The following LUZP1 variants were observed in gnomAD, a reference collection of about 807,000 sequenced individuals.
LUZP1 encodes filamin mechanobinding actin cross-linking protein.
A neutral mutation model predicts 71.3 loss-of-function variants in LUZP1; 25 were observed. The observed-to-expected ratio is 0.35, with a 90% CI of 0.26 to 0.49. LUZP1 has a LOEUF of 0.49. LUZP1 is among the 20% of genes least tolerant of loss of function. The probability of loss-of-function intolerance (pLI) is 0.99; values close to 1 mark genes in which losing one functional copy is unlikely to be tolerated. For synonymous variants in LUZP1, 481 were observed against 506.4 expected (o/e 0.95, Z 0.67); for missense variants, 1,142 against 1,300.8 (o/e 0.88, Z 1.88).
At chr1:23,127,805 G>C (rs1644183868) in intron 2 of LUZP1, among the ~76,000 whole-genome samples, 1 of 152,098 alleles carries the variant, frequency 6.6e-6, no homozygotes, top group South Asian at 2.1e-4. Flanking sequence ...TTACAGGCGT[G>C]AGCCACCGCA....
At chr1:23,090,646 T>G (rs1262338418) in intron 4 of LUZP1, 3 of 564,708 alleles carry the variant, frequency 5.3e-6, no homozygotes, top group Non-Finnish European at 9.4e-6. Context: ...AAGTGTCACT[T>G]GGAATTGGGT....
rs574557552 is a variant in LUZP1 at position 23,089,720 on chromosome 1, G to T, written c.3073-667C>A. On this transcript the variant is annotated intron_variant, in intron 4 of 4. Transcript: ENST00000302291. ...CGATTCTCCTGCCTCAGCCTCCCAA[G>T]TAGCTGGGATTACAAGCACGCACCA... Among the ~76,000 whole-genome samples the T allele has an allele frequency of 4.0e-5, 6 of 151,442 alleles. No homozygotes were observed. In the East Asian group the frequency reaches 1.2e-3, roughly 29 times the overall value.
At chr1:23,127,074 C>T (rs781011883) in intron 2 of LUZP1, among the ~76,000 whole-genome samples, 3 of 152,212 alleles carry the variant, frequency 2.0e-5, no homozygotes, top group Non-Finnish European at 4.4e-5. Flanking sequence ...GTCAGCCAAA[C>T]GCTTCCTGTC....
chr1:23,156,376 TCAAAAAATAAAAA>T (rs1187844720), intron 2 of LUZP1, among the ~76,000 whole-genome samples: 1 of 152,116 alleles, frequency 6.6e-6, no homozygotes, highest in African/African-American at 2.4e-5. Context: ...CGAGACTGTC[TCAAAAAATAAAAA>T]CAAAAAATAA....
intron 2 of LUZP1, among the ~76,000 whole-genome samples, chr1:23,119,154 T>C (rs959998420): frequency 6.6e-6 from 1 of 151,810 alleles, no homozygotes; most frequent in Middle Eastern, 3.2e-3. Context: ...TACTACACCA[T>C]AATTATAGAC....
intron 2 of LUZP1, among the ~76,000 whole-genome samples, chr1:23,123,264 CG>C (rs1644144427): frequency 6.6e-6 from 1 of 151,992 alleles, no homozygotes; most frequent in Admixed American, 6.6e-5. Flanking sequence ...GAGGCCGAGG[CG>C]GGGGGATCCC....
intron 2 of LUZP1, among the ~76,000 whole-genome samples, chr1:23,141,583 T>C (rs1449715282): frequency 6.6e-6 from 1 of 152,202 alleles, no homozygotes; most frequent in South Asian, 2.1e-4. Flanking sequence ...GGCACAGCGG[T>C]GCAGCCACCC....
chr1:23,138,663 T>TTTTG (rs1553140069), intron 2 of LUZP1, among the ~76,000 whole-genome samples: 3 of 125,610 alleles, frequency 2.4e-5, no homozygotes, highest in East Asian at 2.4e-4. Context: ...GATTATGTGT[T>TTTTG]TGTGTGTGTG....
chr1:23,153,911 C>A (rs1644402049), intron 2 of LUZP1, among the ~76,000 whole-genome samples: 1 of 151,366 alleles, frequency 6.6e-6, no homozygotes, highest in African/African-American at 2.4e-5. Flanking sequence ...GAGACTCTAT[C>A]ACACACACAC....
At chr1:23,143,817 C>A (rs1476338646) in intron 2 of LUZP1, among the ~76,000 whole-genome samples, 1 of 152,208 alleles carries the variant, frequency 6.6e-6, no homozygotes, top group Non-Finnish European at 1.5e-5. Flanking sequence ...ATTGCTGGTA[C>A]TTCTGTTTTA....
chr1:23,123,107 T>C (rs1453811553), intron 2 of LUZP1, among the ~76,000 whole-genome samples: 6 of 152,176 alleles, frequency 3.9e-5, no homozygotes, highest in African/African-American at 1.2e-4. Flanking sequence ...GTGTCTAGTA[T>C]AGAGCTAGAC....
exon 5 of LUZP1, chr1:23,084,279 C>G (rs1381625052): frequency 6.6e-6 from 1 of 152,168 alleles, no homozygotes; most frequent in Non-Finnish European, 1.5e-5. Context: ...CAGAGGCTCT[C>G]AGAGCAGGGA....
intron 2 of LUZP1, among the ~76,000 whole-genome samples, chr1:23,159,921 G>A (rs899173659): frequency 9.2e-5 from 14 of 152,212 alleles, no homozygotes; most frequent in Non-Finnish European, 1.9e-4. Flanking sequence ...AAGAGGTGGA[G>A]GTTGCAGTGA....
chr1:23,118,034 G>A (rs528390561), intron 2 of LUZP1, among the ~76,000 whole-genome samples: 3 of 152,102 alleles, frequency 2.0e-5, no homozygotes, highest in South Asian at 4.2e-4. Flanking sequence ...AGGCTGCAAC[G>A]AGCTGAGATT....
intron 2 of LUZP1, among the ~76,000 whole-genome samples, chr1:23,134,423 A>G (rs1354675763): frequency 6.6e-6 from 1 of 152,224 alleles, no homozygotes; most frequent in African/African-American, 2.4e-5. Context: ...TGGAGGCTAC[A>G]GTGAAGTATG....
At chr1:23,084,216 G>GAA (rs1319071630) in exon 5 of LUZP1, 1 of 152,126 alleles carries the variant, frequency 6.6e-6, no homozygotes, top group African/African-American at 2.4e-5. Flanking sequence ...AAATCTATTC[G>GAA]AAAGTTCTGG....
At chr1:23,133,921 A>G (rs1054509957) in intron 2 of LUZP1, among the ~76,000 whole-genome samples, 12 of 152,206 alleles carry the variant, frequency 7.9e-5, no homozygotes, top group African/African-American at 2.7e-4. Context: ...GAAAACAATC[A>G]GACAAATCCG....
At chr1:23,122,156 G>A (rs1258102738) in intron 2 of LUZP1, among the ~76,000 whole-genome samples, 1 of 152,034 alleles carries the variant, frequency 6.6e-6, no homozygotes, top group Non-Finnish European at 1.5e-5. Context: ...ATGGTGCCAG[G>A]CATACATTTG....
intron 2 of LUZP1, among the ~76,000 whole-genome samples, chr1:23,161,670 A>C (rs189599979): frequency 6.6e-6 from 1 of 152,336 alleles, no homozygotes; most frequent in East Asian, 1.9e-4. Context: ...ATAAAATGCC[A>C]ATTGCCTACC....
Sources: allele counts gnomAD v4.1 joint callset (sites outside exome capture counted in the v4.1 genomes callset), GRCh38; gene constraint gnomAD v4.1.1; transcripts MANE v1.5; gene names NCBI Gene and HGNC (gene_info 2026-07-23, HGNC 2026-07-21).